The following NBEA variants were observed in gnomAD, a reference collection of about 807,000 sequenced individuals.
NBEA encodes neurobeachin, also known as lysosomal-trafficking regulator 2.
Under a neutral mutation model 343.4 loss-of-function variants are expected in NBEA, and 44 were observed. The observed-to-expected ratio is 0.13, with a 90% confidence interval of 0.10 to 0.16. The LOEUF is 0.16. NBEA is among the 10% of genes least tolerant of loss of function. NBEA has a pLI of 1.00. For missense variants in NBEA, 2,555 were observed against 3,631.3 expected (o/e 0.70, Z 7.62); for synonymous variants, 1,175 against 1,238.7 (o/e 0.95, Z 1.08).
In NBEA at chr13:35,173,536, A is replaced by G. The variant is rs772074247; in HGVS notation, c.4496A>G (p.His1499Arg). 6.2e-7 allele frequency: 1 copy of G among 1,612,120 alleles called. No individual in the cohort carries two copies. Among genetic ancestry groups the G allele is most frequent in the South Asian group, 1.1e-5 (1 of 90,866 alleles). Residue 1499 changes from histidine to arginine, a missense_variant, in exon 27 of 59, where the codon CAT (histidine) becomes CGT (arginine). His to Arg is a conservative substitution (Grantham distance 29). This residue lies in a region of NBEA where 168 missense variants were observed against 193.0 expected (regional missense o/e 0.87). Transcript: ENST00000379939. Reference protein sequence around the residue: ...RQRDRGNKSSHGSSKPQEVPQ... With the variant: ...RQRDRGNKSSRGSSKPQEVPQ... ...AGAGACAGGGGAAATAAATCTTCCC[A>G]TGGAAGCAGTAAACCTCAGGAAGTT...
At chr13:35,541,400 G>A (rs2078816966) in intron 41 of NBEA, among the ~76,000 whole-genome samples, 1 of 151,860 alleles carries the variant, frequency 6.6e-6, no homozygotes, top group Non-Finnish European at 1.5e-5. Context: ...TTAAATTAAA[G>A]GAACGGAAGA....
intron 46 of NBEA, among the ~76,000 whole-genome samples, chr13:35,586,771 G>A (rs149821247): frequency 5.9e-5 from 9 of 152,106 alleles, no homozygotes; most frequent in Admixed American, 6.6e-5. Flanking sequence ...TAGTTTCTGG[G>A]TGATAATAAT....
intron 35 of NBEA, among the ~76,000 whole-genome samples, chr13:35,308,456 A>ATATATATATATATATATATATG (rs2037068453): frequency 5.9e-5 from 7 of 118,054 alleles, no homozygotes; most frequent in African/African-American, 2.9e-4. Context: ...ATATATATAT[A>ATATATATATATATATATATATG]TATATATATA....
chr13:35,124,490 GTGTGTATAC>G (rs896877446), intron 17 of NBEA, among the ~76,000 whole-genome samples: 14 of 147,444 alleles, frequency 9.5e-5, no homozygotes, highest in African/African-American at 3.2e-4. Context: ...ATATATATGT[GTGTGTATAC>G]ACACACACAC....
At chr13:35,465,668 C>T (rs2075358515) in intron 40 of NBEA, among the ~76,000 whole-genome samples, 1 of 152,130 alleles carries the variant, frequency 6.6e-6, no homozygotes, top group African/African-American at 2.4e-5. Flanking sequence ...AATCAAAAGG[C>T]AGAGCAAATT....
intron 45 of NBEA, among the ~76,000 whole-genome samples, chr13:35,568,657 G>C (rs776181267): frequency 3.9e-5 from 6 of 152,104 alleles, no homozygotes; most frequent in Non-Finnish European, 7.4e-5. Context: ...AAATGCTTGG[G>C]ACCAGAGTGT....
chr13:35,482,145 T>C (rs2076142731), intron 41 of NBEA, among the ~76,000 whole-genome samples: 1 of 151,768 alleles, frequency 6.6e-6, no homozygotes, highest in Admixed American at 6.6e-5. Flanking sequence ...AGCAAAGTAA[T>C]TCTTCTAAAG....
At chr13:34,949,027 G>A (rs779964721) in intron 1 of NBEA, among the ~76,000 whole-genome samples, 2 of 152,154 alleles carry the variant, frequency 1.3e-5, no homozygotes, top group Non-Finnish European at 2.9e-5. Flanking sequence ...CAAGAGGAAA[G>A]CCAAGAGTTT....
intron 45 of NBEA, among the ~76,000 whole-genome samples, chr13:35,570,088 C>T (rs960733224): frequency 1.3e-5 from 2 of 152,212 alleles, no homozygotes; most frequent in African/African-American, 4.8e-5. Flanking sequence ...GGCTGGAGTG[C>T]AGTGGTGCAA....
At chr13:35,459,017 C>CCCACA (rs1555270534) in intron 40 of NBEA, among the ~76,000 whole-genome samples, 6 of 74,950 alleles carry the variant, frequency 8.0e-5, no homozygotes, top group African/African-American at 3.0e-4. Flanking sequence ...CCCCCCCCCC[C>CCCACA]CACACACACA....
intron 27 of NBEA, 53 bp from the exon 28 acceptor site, chr13:35,176,943 C>T (rs1429633099): frequency 1.6e-5 from 19 of 1,179,388 alleles, no homozygotes; most frequent in Non-Finnish European, 2.1e-5. Flanking sequence ...AGTGATACTT[C>T]TATATATTAT....
chr13:34,996,867 A>T (rs1158897232), intron 1 of NBEA, among the ~76,000 whole-genome samples: 1 of 152,174 alleles, frequency 6.6e-6, no homozygotes, highest in East Asian at 1.9e-4. Context: ...TGACGAAGAA[A>T]TGAAAAATTG....
chr13:35,366,945 A>G (rs551800377), intron 38 of NBEA, among the ~76,000 whole-genome samples: 123 of 151,532 alleles, frequency 8.1e-4, no homozygotes, highest in Middle Eastern at 3.4e-3. Context: ...ATTTTAAAGC[A>G]AGTTACATTT....
chr13:35,155,090 G>A (rs1190038999), intron 18 of NBEA, among the ~76,000 whole-genome samples: 2 of 137,576 alleles, frequency 1.5e-5, no homozygotes, highest in African/African-American at 2.7e-5. Context: ...TGATTGTGCC[G>A]CTGCAGTCCA....
At chr13:34,966,288 T>G (rs755629452) in intron 1 of NBEA, among the ~76,000 whole-genome samples, 1 of 151,976 alleles carries the variant, frequency 6.6e-6, no homozygotes, top group Non-Finnish European at 1.5e-5. Context: ...ATCCTTTCAG[T>G]GTTTCTTATA....
At chr13:35,668,869 T>A (rs1470358889) in intron 58 of NBEA, among the ~76,000 whole-genome samples, 1 of 152,186 alleles carries the variant, frequency 6.6e-6, no homozygotes, top group Non-Finnish European at 1.5e-5. Context: ...AAACACGTAT[T>A]TTTCAGCAGA....
chr13:35,229,593 TA>T (rs1428355012), intron 33 of NBEA, among the ~76,000 whole-genome samples: 5 of 152,162 alleles, frequency 3.3e-5, no homozygotes, highest in African/African-American at 1.2e-4. Context: ...TTTTACATAT[TA>T]ACAGATAGCT....
intron 41 of NBEA, among the ~76,000 whole-genome samples, chr13:35,517,399 C>T (rs2077526742): frequency 6.6e-6 from 1 of 152,192 alleles, no homozygotes; most frequent in African/African-American, 2.4e-5. Context: ...GCTGCCTGCT[C>T]TGTTGATTAG....
intron 34 of NBEA, among the ~76,000 whole-genome samples, chr13:35,280,043 A>G (rs1198913777): frequency 1.3e-5 from 2 of 152,092 alleles, no homozygotes; most frequent in African/African-American, 4.8e-5. Context: ...TTTAGTAGAG[A>G]TTTTATTTGT....
Sources: allele counts gnomAD v4.1 joint callset (sites outside exome capture counted in the v4.1 genomes callset), GRCh38; gene constraint gnomAD v4.1.1; regional missense constraint gnomAD v4.1.1; transcripts MANE v1.5; gene names NCBI Gene and HGNC (gene_info 2026-07-23, HGNC 2026-07-21).